Variants in ADAMTS17 observed in about 807,000 individuals in gnomAD.
ADAMTS17 encodes the protein A disintegrin and metalloproteinase with thrombospondin motifs 17.
A neutral mutation model predicts 141.5 loss-of-function variants in ADAMTS17; 113 were observed. The observed-to-expected ratio is 0.80, with a 90% CI of 0.69 to 0.93. The LOEUF (loss-of-function observed/expected upper bound fraction) is 0.93, where lower values mean the gene tolerates loss of function less well. Among genes scored for constraint, ADAMTS17 ranks in the 40% least tolerant of loss-of-function variants. The pLI is 0.00. For missense variants in ADAMTS17, 1,659 were observed against 1,517.9 expected (o/e 1.09, Z -1.54); for synonymous variants, 768 against 630.6 (o/e 1.22, Z -3.27).
rs559614757 is a variant in ADAMTS17, at chr15:99,973,744, T to G, written c.*658A>C. ...TTCTTCCCATGCGGGTGGTATGAAC[T>G]GCGTGGCACTGCTGTCCTCGCTGGC... On this transcript the variant is annotated 3_prime_UTR_variant, in exon 22 of 22. Transcript: ENST00000268070. 1 of 160,908 alleles carries G rather than the reference T, an allele frequency of 6.2e-6. No individual in the cohort carries two copies. The highest frequency in any genetic ancestry group is 1.4e-5 in the Non-Finnish European group (1 of 73,052). The allele number at this position is 160,908 out of a possible 1,614,324, so 10.0% of individuals were successfully genotyped here.
At chr15:100,151,293 C>A (rs954739765) in intron 10 of ADAMTS17, among the ~76,000 whole-genome samples, 1 of 152,200 alleles carries the variant, frequency 6.6e-6, no homozygotes. Context: ...TAGGAGACAA[C>A]AGCCTGGTTT....
chr15:100,141,476 G>C (rs963950683), intron 10 of ADAMTS17, among the ~76,000 whole-genome samples: 4 of 152,194 alleles, frequency 2.6e-5, no homozygotes, highest in African/African-American at 9.7e-5. Context: ...CAAGCCAAAA[G>C]AGAGAGAAAA....
chr15:100,287,451 G>C (rs569930671), intron 3 of ADAMTS17, among the ~76,000 whole-genome samples: 1 of 152,076 alleles, frequency 6.6e-6, no homozygotes, highest in Admixed American at 6.6e-5. Context: ...CAAGCAACAG[G>C]GAAAACATAT....
At chr15:100,151,518 C>T (rs574422043) in intron 10 of ADAMTS17, among the ~76,000 whole-genome samples, 2 of 152,266 alleles carry the variant, frequency 1.3e-5, no homozygotes, top group South Asian at 2.1e-4. Flanking sequence ...AGTGCTTGCT[C>T]CAGGAACCTG....
intron 10 of ADAMTS17, among the ~76,000 whole-genome samples, chr15:100,142,146 C>A (rs1384774871): frequency 6.6e-6 from 1 of 152,234 alleles, no homozygotes; most frequent in East Asian, 1.9e-4. Context: ...AAACTTCTAA[C>A]AGTCTCTGGA....
chr15:100,113,770 C>T lies in ADAMTS17; in HGVS notation c.1888+3077G>A, dbSNP rs36092433. ...GCCCCAGCTGGCTTGGCGGAGCTGT[C>T]GTCAGAGAGTCCTAACCATCACGCC... On this transcript the variant is annotated intron_variant, in intron 13 of 21. Transcript: ENST00000268070. Among the ~76,000 whole-genome samples the T allele has an allele frequency of 5.5e-4, 83 of 152,112 alleles. 1 individual carries two copies. In the East Asian group the frequency reaches 7.9e-3, roughly 15 times the overall value.
At chr15:100,206,073 C>G (rs1023110347) in intron 7 of ADAMTS17, among the ~76,000 whole-genome samples, 2 of 152,248 alleles carry the variant, frequency 1.3e-5, no homozygotes, top group Admixed American at 1.3e-4. Flanking sequence ...TCTCGGCAAA[C>G]TTTCCCAGAC....
At chr15:100,114,838 A>C (rs764999979) in intron 13 of ADAMTS17, among the ~76,000 whole-genome samples, 2 of 152,242 alleles carry the variant, frequency 1.3e-5, no homozygotes, top group Non-Finnish European at 2.9e-5. Flanking sequence ...TAAGGCAACG[A>C]AACAGTCCAG....
chr15:100,309,466 A>G (rs1364854757), intron 3 of ADAMTS17, among the ~76,000 whole-genome samples: 4 of 152,198 alleles, frequency 2.6e-5, no homozygotes, highest in African/African-American at 9.6e-5. Flanking sequence ...AAGCCCCCTC[A>G]GTGAGGATGG....
rs149610878 is a variant in ADAMTS17 at position 100,186,427 on chromosome 15, C to G, written c.1181+12891G>C. Among the ~76,000 whole-genome samples, 113 of 152,344 alleles carry G rather than the reference C, an allele frequency of 7.4e-4. 1 individual carries two copies. Among genetic ancestry groups the G allele is most frequent in the Non-Finnish European group, 1.1e-3 (77 of 68,036 alleles). ...AATGAAATGCAATCACGCATTGCTG[C>G]ATTTGGCCACTTTTCAAGGTGACCA... On this transcript the variant is annotated intron_variant, in intron 8 of 21. Coordinates refer to ENST00000268070, the MANE Select transcript of ADAMTS17 (RefSeq NM_139057.4).
chr15:100,310,786 G>T (rs917746583), intron 3 of ADAMTS17, among the ~76,000 whole-genome samples: 1 of 152,174 alleles, frequency 6.6e-6, no homozygotes, highest in Non-Finnish European at 1.5e-5. Context: ...ACGGCAGGGG[G>T]TTTGATCTAC....
chr15:100,059,779 G>A (rs569077874), intron 15 of ADAMTS17, among the ~76,000 whole-genome samples: 1 of 152,236 alleles, frequency 6.6e-6, no homozygotes, highest in South Asian at 2.1e-4. Context: ...TGCAGAGTGG[G>A]GTCTGCAAAG....
chr15:100,112,225 C>G (rs8024501), intron 13 of ADAMTS17, among the ~76,000 whole-genome samples: 1,559 of 152,272 alleles, frequency 0.01, 20 homozygotes, highest in African/African-American at 0.034. Flanking sequence ...ATGCTGGCCA[C>G]GAGCCTTGCA....
intron 18 of ADAMTS17, among the ~76,000 whole-genome samples, chr15:100,029,013 GC>G (rs2029878803): frequency 6.6e-6 from 1 of 152,172 alleles, no homozygotes; most frequent in Non-Finnish European, 1.5e-5. Flanking sequence ...TCGCTGTCTG[GC>G]CCGAGCTGCC....
At chr15:99,984,993 C>A (rs1046202095) in intron 20 of ADAMTS17, among the ~76,000 whole-genome samples, 3 of 152,258 alleles carry the variant, frequency 2.0e-5, no homozygotes, top group Non-Finnish European at 2.9e-5. Context: ...TTCGGCATGG[C>A]CCTGCGGCCC....
At chr15:100,136,916 G>T (rs530102694) in intron 10 of ADAMTS17, among the ~76,000 whole-genome samples, 2 of 152,312 alleles carry the variant, frequency 1.3e-5, no homozygotes, top group East Asian at 3.9e-4. Context: ...AAAGAGCTCG[G>T]GCTGTGCAGA....
chr15:100,212,797 A>C (rs58928318), intron 7 of ADAMTS17, among the ~76,000 whole-genome samples: 3,575 of 141,984 alleles, frequency 0.025, 135 homozygotes, highest in African/African-American at 0.088. Flanking sequence ...ATTCACCAAC[A>C]ATGTCACTTG....
intron 4 of ADAMTS17, among the ~76,000 whole-genome samples, chr15:100,274,867 A>T: frequency 6.6e-6 from 1 of 151,436 alleles, no homozygotes; most frequent in African/African-American, 2.4e-5. Context: ...TTTTGTATGT[A>T]TTCTCTAGTT....
intron 4 of ADAMTS17, among the ~76,000 whole-genome samples, chr15:100,279,776 C>A (rs2044222329): frequency 6.6e-6 from 1 of 152,328 alleles, no homozygotes; most frequent in Middle Eastern, 3.4e-3. Flanking sequence ...AGGCTTCTCT[C>A]TCCTCTCCTT....
Sources: allele counts gnomAD v4.1 joint callset (sites outside exome capture counted in the v4.1 genomes callset), GRCh38; gene constraint gnomAD v4.1.1; transcripts MANE v1.5; gene names NCBI Gene and HGNC (gene_info 2026-07-23, HGNC 2026-07-21).